Variants in SEPTIN8 observed in about 807,000 individuals in gnomAD.
SEPTIN8 encodes septin-8.
A neutral mutation model predicts 53.1 loss-of-function variants in SEPTIN8; 22 were observed. The ratio of observed to expected loss-of-function variants is 0.41; its 90% CI spans 0.30 to 0.59. The LOEUF (loss-of-function observed/expected upper bound fraction) is 0.59. Ranked by LOEUF, SEPTIN8 falls within the 20% of genes least tolerant of loss-of-function variation. SEPTIN8 has a pLI of 0.24. For synonymous variants in SEPTIN8, 228 were observed against 248.4 expected (o/e 0.92, Z 0.77); for missense variants, 536 against 638.7 (o/e 0.84, Z 1.73).
intron 9 of SEPTIN8, chr5:132,754,102 T>C: frequency 3.0e-6 from 1 of 329,298 alleles, no homozygotes. Context: ...TACATCTGTA[T>C]TTTTTCTTGA....
chr5:132,767,701 A>G (rs1447739095), intron 1 of SEPTIN8, among the ~76,000 whole-genome samples: 1 of 152,058 alleles, frequency 6.6e-6, no homozygotes, highest in Non-Finnish European at 1.5e-5. Context: ...ACAGGGCTTC[A>G]TTATTTAGTC....
At chr5:132,775,754 T>G (rs1386702388) in intron 1 of SEPTIN8, 1 of 152,234 alleles carries the variant, frequency 6.6e-6, no homozygotes, top group Non-Finnish European at 1.5e-5. Context: ...GGCCTCCAGC[T>G]AATCAGCAGG....
chr5:132,753,669 T>C (rs1426207319), intron 9 of SEPTIN8: 1 of 152,514 alleles, frequency 6.6e-6, no homozygotes, highest in Middle Eastern at 3.2e-3. Context: ...AGGGATTTTG[T>C]GCTAATGAAT....
intron 9 of SEPTIN8, chr5:132,752,783 T>C: frequency 1.7e-6 from 2 of 1,202,632 alleles, no homozygotes; most frequent in South Asian, 2.6e-5. Flanking sequence ...ACTTGCTTCA[T>C]GCTAACATTT....
intron 1 of SEPTIN8, chr5:132,774,113 C>T (rs900905898): frequency 1.2e-5 from 2 of 166,224 alleles, no homozygotes; most frequent in Admixed American, 6.5e-5. Context: ...GGTGCGGGCT[C>T]TCAATTCCTG....
At chr5:132,771,582 T>C (rs1453410598) in intron 1 of SEPTIN8, among the ~76,000 whole-genome samples, 1 of 152,088 alleles carries the variant, frequency 6.6e-6, no homozygotes, top group African/African-American at 2.4e-5. Context: ...CCCTATTAAG[T>C]AACTGAGCAA....
In SEPTIN8 at chr5:132,776,767, C is replaced by T. The variant is rs1020302470; in HGVS notation, c.30+341G>A. 9.9e-5 allele frequency among the ~76,000 whole-genome samples: 15 copies of T among 152,264 alleles called. No individual in the cohort carries two copies. Among genetic ancestry groups the T allele is most frequent in the Non-Finnish European group, 1.9e-4 (13 of 67,996 alleles). ...AAGAAACACCCTGGGCGATAGGGTC[C>T]GGAGTGTCCCGGACCCTCACCTGCG... On this transcript the variant is annotated intron_variant, in intron 1 of 9. Transcript: ENST00000378719. This position sits in a 1 kb window ranked among gnomAD's most constrained non-coding sequence, Gnocchi z 4.4.
In SEPTIN8 at chr5:132,763,697, C is replaced by A. The variant is rs781179672; in HGVS notation, c.534+9G>T. On this transcript the variant is annotated intron_variant, in intron 4 of 9. Transcript: ENST00000378719. ...TGGAGCCTGTGACAGCAGGTGGGGACAGGGATACCTTGCTGTCTAGTTTCT... is the reference window on the plus strand; with the variant it reads ...TGGAGCCTGTGACAGCAGGTGGGGAAAGGGATACCTTGCTGTCTAGTTTCT... 1 of 1,612,762 alleles carries A rather than the reference C, an allele frequency of 6.2e-7. No homozygotes were observed. Among genetic ancestry groups the A allele is most frequent in the Non-Finnish European group, 8.5e-7 (1 of 1,178,964 alleles).
At chr5:132,777,812 C>G, upstream of SEPTIN8, 4 of 985,482 alleles carry the variant, frequency 4.1e-6, no homozygotes, top group Non-Finnish European at 4.8e-6. The surrounding 1 kb of genome is among the most constrained non-coding windows in gnomAD (Gnocchi z 4.1). Flanking sequence ...GCGCGTCCGG[C>G]CAGGCGGCCT....
chr5:132,770,108 T>C (rs1384726225), intron 1 of SEPTIN8, among the ~76,000 whole-genome samples: 4 of 22,850 alleles, frequency 1.8e-4, no homozygotes, highest in African/African-American at 8.6e-4. Flanking sequence ...TATGTATATA[T>C]GTATATATAT....
intron 1 of SEPTIN8, 69 bp from the exon 2 acceptor site, chr5:132,765,598 C>T: frequency 6.6e-7 from 1 of 1,511,470 alleles, no homozygotes; most frequent in Non-Finnish European, 8.8e-7. Flanking sequence ...GGGGTGGGCG[C>T]TAAATCTGAG....
chr5:132,759,111 C>G, intron 9 of SEPTIN8: 1 of 554,546 alleles, frequency 1.8e-6, no homozygotes. Context: ...CACCCCTGCC[C>G]CCATTCCAAA....
intron 3 of SEPTIN8, 137 bp downstream of exon 3, chr5:132,764,087 G>T: frequency 3.0e-6 from 3 of 1,012,278 alleles, no homozygotes; most frequent in Non-Finnish European, 4.3e-6. Flanking sequence ...CTGGTCTGTT[G>T]GTGACCACAG....
intron 1 of SEPTIN8, 74 bp from the exon 2 acceptor site, chr5:132,765,603 TCTGAGTTAAAA>T: frequency 6.7e-7 from 1 of 1,503,280 alleles, no homozygotes; most frequent in East Asian, 2.4e-5. Flanking sequence ...GGGCGCTAAA[TCTGAGTTAAAA>T]CAGTGAAGCA....
rs1371195146 is a variant in SEPTIN8, at chr5:132,773,211, G to T, written c.30+3897C>A. 6.6e-6 allele frequency among the ~76,000 whole-genome samples: 1 copy of T among 152,196 alleles called. No homozygotes were observed. The highest frequency in any genetic ancestry group is 1.5e-5 in the Non-Finnish European group (1 of 68,038). ...GGGCGTCTCCTCCCCAGGCAGATGT[G>T]TCTCCCTCCTGCATGCATAGCTCTG... On this transcript the variant is annotated intron_variant, in intron 1 of 9. Coordinates refer to ENST00000378719, the MANE Select transcript of SEPTIN8 (RefSeq NM_001098811.2). The surrounding 1 kb of genome is among the most constrained non-coding windows in gnomAD (Gnocchi z 4.2).
chr5:132,768,284 A>G (rs1224242601), intron 1 of SEPTIN8, among the ~76,000 whole-genome samples: 3 of 151,772 alleles, frequency 2.0e-5, no homozygotes, highest in African/African-American at 4.8e-5. Context: ...AGCCCCGGGG[A>G]CCAGTCAGGG....
chr5:132,756,254 C>G, intron 9 of SEPTIN8: 4 of 985,414 alleles, frequency 4.1e-6, no homozygotes, highest in Non-Finnish European at 4.8e-6. Context: ...CCACCTAGAT[C>G]AGGGTACCCA....
chr5:132,776,997 G>A lies in SEPTIN8; in HGVS notation c.30+111C>T. 1.5e-6 allele frequency: 1 copy of A among 650,446 alleles called. No individual in the cohort carries two copies. The highest frequency in any genetic ancestry group is 2.0e-6 in the Non-Finnish European group (1 of 489,572). 40.3% of individuals were successfully genotyped at this position (650,446 alleles called of 1,614,324 possible). A position where few individuals can be genotyped will look rare whatever the true frequency, so the allele number is the denominator to read the frequency against. On this transcript the variant is annotated intron_variant, in intron 1 of 9. Coordinates refer to ENST00000378719, the MANE Select transcript of SEPTIN8 (RefSeq NM_001098811.2). The surrounding 1 kb of genome is among the most constrained non-coding windows in gnomAD (Gnocchi z 4.4). ...GGTCCTCGAGCTGGCCCGGTGTCGAGGCCCGGCCGTGAGGCGCTGACAGCC... is the reference window on the plus strand; with the variant it reads ...GGTCCTCGAGCTGGCCCGGTGTCGAAGCCCGGCCGTGAGGCGCTGACAGCC...
chr5:132,779,613 A>G (rs1758009371), upstream of SEPTIN8, among the ~76,000 whole-genome samples: 1 of 152,118 alleles, frequency 6.6e-6, no homozygotes, highest in Non-Finnish European at 1.5e-5. Context: ...TTCTTTTGTC[A>G]TGTAGAAGTT....
Sources: allele counts gnomAD v4.1 joint callset (sites outside exome capture counted in the v4.1 genomes callset), GRCh38; gene constraint gnomAD v4.1.1; non-coding constraint Gnocchi (gnomAD v3.1); transcripts MANE v1.5; gene names NCBI Gene and HGNC (gene_info 2026-07-23, HGNC 2026-07-21).